ZFHX3: variants seen among roughly 807,000 people sequenced by gnomAD.
ZFHX3 encodes the protein zinc finger homeobox protein 3.
In ZFHX3, 42 loss-of-function variants were observed where a neutral mutation model predicts 279.1. The ratio of observed to expected loss-of-function variants is 0.15; its 90% CI spans 0.12 to 0.19. The LOEUF (loss-of-function observed/expected upper bound fraction) is 0.19. ZFHX3 is among the 10% of genes least tolerant of loss of function. The pLI, the probability that ZFHX3 is intolerant of heterozygous loss-of-function variation, is 1.00. For missense variants in ZFHX3, 4,981 were observed against 4,754.0 expected (o/e 1.05, Z -1.40); for synonymous variants, 2,293 against 1,957.8 (o/e 1.17, Z -4.52).
chr16:73,539,119 T>C (rs1233955008), intron 2 of ZFHX3, among the ~76,000 whole-genome samples: 3 of 152,094 alleles, frequency 2.0e-5, no homozygotes, highest in Non-Finnish European at 2.9e-5. Context: ...TCAAACAGCT[T>C]TCTTTTTTTC....
At chr16:73,117,007 C>T (rs986953578) in intron 7 of ZFHX3, among the ~76,000 whole-genome samples, 6 of 152,138 alleles carry the variant, frequency 3.9e-5, no homozygotes, top group African/African-American at 1.2e-4. Context: ...TAAGAATCTG[C>T]CTACCCAAGG....
rs140481719 is a variant in ZFHX3, at chr16:72,811,944, C to A, written c.3624G>T (p.Ser1208=). The change falls in exon 6 of 10, where the codon TCG becomes TCT. Residue 1208 remains serine, a synonymous_variant. Coordinates refer to ENST00000268489, the MANE Select transcript of ZFHX3 (RefSeq NM_006885.4). ...TCTCCTCAGCTGTTTTTGGTCGCTT[C>A]GAAGAGAGGGGAGACTCTGAGCTAC... ...FPGSSESPLS[S]KRPKTAEEIK... The A allele has an allele frequency of 6.1e-4, 977 of 1,613,886 alleles. 5 individuals carry two copies. The highest frequency in any genetic ancestry group is 3.3e-3 in the Middle Eastern group (20 of 6,062).
intron 4 of ZFHX3, among the ~76,000 whole-genome samples, chr16:72,847,488 T>A (rs2037508611): frequency 6.6e-6 from 1 of 151,990 alleles, no homozygotes; most frequent in Admixed American, 6.5e-5. Context: ...AGAAACTCAG[T>A]GGTCAGGCCC....
At chr16:73,737,631 G>T (rs2053620557) in intron 1 of ZFHX3, among the ~76,000 whole-genome samples, 1 of 151,826 alleles carries the variant, frequency 6.6e-6, no homozygotes, top group Non-Finnish European at 1.5e-5. Flanking sequence ...GTCTGTGAAG[G>T]CCCCATCTAC....
chr16:73,158,708 A>G (rs778100156), intron 5 of ZFHX3, among the ~76,000 whole-genome samples: 2 of 152,216 alleles, frequency 1.3e-5, no homozygotes, highest in Non-Finnish European at 2.9e-5. Flanking sequence ...CCAAAACAGC[A>G]TGGTACTGGT....
Position 72,797,116 on chromosome 16 carries a change from T to TCTG in ZFHX3, c.5563_5565dup (p.Gln1855dup), listed in dbSNP as rs766017146. On this transcript the variant is annotated inframe_insertion, in exon 9 of 10. Transcript: ENST00000268489. ...TGACTCTGGGCTATAGAGAGTTGGT[T>TCTG]CTGCTGCTGCTGCGGCAAGATCTGC... is the stretch of plus-strand genomic sequence containing the variant. 6 of 1,613,784 alleles carry TCTG rather than the reference T, an allele frequency of 3.7e-6. No individual in the cohort carries two copies. The African/African-American group carries it at 4.0e-5, about 11-fold the overall frequency.
chr16:73,092,611 G>C (rs1338632723), intron 8 of ZFHX3: 6 of 243,710 alleles, frequency 2.5e-5, no homozygotes, highest in Non-Finnish European at 4.8e-5. Context: ...CCATCAAATA[G>C]ACGCCTTCAT....
At chr16:73,825,595 G>A (rs1187615120) in intron 1 of ZFHX3, among the ~76,000 whole-genome samples, 1 of 88,820 alleles carries the variant, frequency 1.1e-5, no homozygotes, top group Non-Finnish European at 2.0e-5. Flanking sequence ...GTAAGGAAGG[G>A]ATCCAGTTTC....
At chr16:73,080,482 T>C (rs1454549921) in intron 8 of ZFHX3, among the ~76,000 whole-genome samples, 9 of 152,230 alleles carry the variant, frequency 5.9e-5, no homozygotes, top group African/African-American at 2.2e-4. Flanking sequence ...CTTTAATAAA[T>C]GGAGATTCTT....
chr16:73,888,472 C>T (rs1248247731), intron 1 of ZFHX3, among the ~76,000 whole-genome samples: 2 of 152,152 alleles, frequency 1.3e-5, no homozygotes, highest in African/African-American at 4.8e-5. Flanking sequence ...CAACACATTT[C>T]TTCTAGATTT....
chr16:72,867,370 ACT>A (rs1427453283), intron 4 of ZFHX3, among the ~76,000 whole-genome samples: 2 of 152,198 alleles, frequency 1.3e-5, no homozygotes, highest in Non-Finnish European at 2.9e-5. Context: ...GGAGAAGTGC[ACT>A]CTGTCTAATC....
chr16:73,195,779 G>A (rs1968133229), intron 5 of ZFHX3, among the ~76,000 whole-genome samples: 1 of 152,124 alleles, frequency 6.6e-6, no homozygotes, highest in Non-Finnish European at 1.5e-5. Flanking sequence ...GACAGGTAAA[G>A]GTTGGTGAAG....
chr16:73,535,160 T>C (rs1355133375), intron 2 of ZFHX3, among the ~76,000 whole-genome samples: 1 of 152,166 alleles, frequency 6.6e-6, no homozygotes, highest in African/African-American at 2.4e-5. Flanking sequence ...TCAAAAGTTG[T>C]ACAATAAGTA....
chr16:73,081,980 G>T (rs1039516280), intron 8 of ZFHX3, among the ~76,000 whole-genome samples: 1 of 151,780 alleles, frequency 6.6e-6, no homozygotes, highest in African/African-American at 2.4e-5. Context: ...GAGACTACAG[G>T]TGTGTACCAC....
chr16:73,341,372 G>A (rs1045881800), intron 3 of ZFHX3, among the ~76,000 whole-genome samples: 2 of 151,826 alleles, frequency 1.3e-5, no homozygotes, highest in African/African-American at 2.4e-5. Flanking sequence ...GAGAGGAAAA[G>A]GCCAATAAAA....
chr16:73,046,234 A>G (rs1460205744), intron 1 of ZFHX3, among the ~76,000 whole-genome samples: 1 of 152,160 alleles, frequency 6.6e-6, no homozygotes, highest in Non-Finnish European at 1.5e-5. Context: ...CCCTTCAATT[A>G]TTTGGAACCG....
At chr16:72,844,466 C>A (rs1451360271) in intron 4 of ZFHX3, among the ~76,000 whole-genome samples, 1 of 152,126 alleles carries the variant, frequency 6.6e-6, no homozygotes, top group East Asian at 1.9e-4. Flanking sequence ...AGGCAACCTG[C>A]CTCCCTCGCC....
At chr16:72,955,383 G>C (rs570152997) in intron 2 of ZFHX3, among the ~76,000 whole-genome samples, 2 of 152,342 alleles carry the variant, frequency 1.3e-5, no homozygotes, top group African/African-American at 4.8e-5. Context: ...GCCCAGGACA[G>C]TGCATGATGC....
rs956229250 is a variant in ZFHX3, at chr16:73,646,933, C to T, written c.-1547+33247G>A. Among the ~76,000 whole-genome samples, 2 of 151,616 alleles carry T rather than the reference C, an allele frequency of 1.3e-5. 1 individual carries two copies. The highest frequency in any genetic ancestry group is 1.3e-4 in the Admixed American group (2 of 15,234). On this transcript the variant is annotated intron_variant, in intron 2 of 17. Coordinates refer to the ZFHX3 transcript ENST00000641206. ...TGGAACCCTTTGGAGAGTGAAAGAA[C>T]GTAATTACGCAGGGAGAATCTGAGA... is the stretch of plus-strand genomic sequence containing the variant.
Sources: gnomAD v4.1 joint callset for allele counts (sites outside exome capture counted in the v4.1 genomes callset) on GRCh38, gnomAD v4.1.1 for gene constraint, MANE v1.5 for transcripts, NCBI Gene and HGNC (gene_info 2026-07-23, HGNC 2026-07-21) for gene names.